The following ZNF536 variants were observed in gnomAD, a reference collection of about 807,000 sequenced individuals.
ZNF536 encodes zinc finger protein 536.
ZNF536 carries 13 observed loss-of-function variants against 84.5 expected under a neutral mutation model. The observed-to-expected ratio is 0.15, with a 90% CI of 0.10 to 0.24. The LOEUF (loss-of-function observed/expected upper bound fraction) is 0.24, where lower values mean the gene tolerates loss of function less well. ZNF536 is among the 10% of genes least tolerant of loss of function. The pLI, the probability that ZNF536 is intolerant of heterozygous loss-of-function variation, is 1.00. For missense variants in ZNF536, 1,536 were observed against 1,747.5 expected, an observed-to-expected ratio of 0.88 and a Z score of 2.16; for synonymous variants, 811 against 742.5, an observed-to-expected ratio of 1.09 and a Z score of -1.50.
chr19:30,370,790 C>G (rs2048587158), upstream of ZNF536, among the ~76,000 whole-genome samples: 1 of 152,066 alleles, frequency 6.6e-6, no homozygotes, highest in Admixed American at 6.5e-5. Flanking sequence ...TAATGCCCTC[C>G]AATTATTAAA....
At chr19:30,262,280 C>A (rs2025266506) in intron 1 of ZNF536, among the ~76,000 whole-genome samples, 1 of 152,214 alleles carries the variant, frequency 6.6e-6, no homozygotes, top group Non-Finnish European at 1.5e-5. Flanking sequence ...CTGCCCAGGA[C>A]ATAGGTCCTC....
intron 2 of ZNF536, among the ~76,000 whole-genome samples, chr19:30,313,365 C>A (rs1459263825): frequency 1.3e-5 from 2 of 152,202 alleles, no homozygotes; most frequent in African/African-American, 4.8e-5. Flanking sequence ...AGAAAATCTA[C>A]TAGTGGTGGC....
At chr19:30,640,662 C>T (rs1270948897) in intron 1 of ZNF536, among the ~76,000 whole-genome samples, 2 of 152,210 alleles carry the variant, frequency 1.3e-5, no homozygotes, top group Non-Finnish European at 2.9e-5. Flanking sequence ...GTACTGGTAG[C>T]TCCTGAATAT....
chr19:30,705,662 A>T (rs967820566), intron 1 of ZNF536, among the ~76,000 whole-genome samples: 5 of 152,210 alleles, frequency 3.3e-5, no homozygotes, highest in Admixed American at 2.6e-4. Context: ...GAAGGTCTTC[A>T]GGGTCTTTAG....
intron 2 of ZNF536, among the ~76,000 whole-genome samples, chr19:30,340,976 C>A (rs548553510): frequency 2.0e-5 from 3 of 152,304 alleles, no homozygotes; most frequent in East Asian, 1.9e-4. Context: ...AGAAAAAAAT[C>A]CCACCATTAA....
chr19:30,350,544 C>G (rs1405552530), intron 2 of ZNF536, among the ~76,000 whole-genome samples: 2 of 152,136 alleles, frequency 1.3e-5, no homozygotes, highest in African/African-American at 4.8e-5. Context: ...ATAAAAAATA[C>G]CTATAGATTT....
At chr19:30,238,770 A>G (rs1286628902) in intron 1 of ZNF536, among the ~76,000 whole-genome samples, 1 of 152,056 alleles carries the variant, frequency 6.6e-6, no homozygotes, top group Non-Finnish European at 1.5e-5. Flanking sequence ...CATTGCATCA[A>G]CACAATAGCA....
intron 1 of ZNF536, among the ~76,000 whole-genome samples, chr19:30,252,188 G>GA (rs1175368553): frequency 2.0e-5 from 3 of 152,082 alleles, no homozygotes; most frequent in African/African-American, 7.2e-5. Flanking sequence ...ACAAACTTAT[G>GA]AAAAAATGCT....
At chr19:30,549,641 A>C in intron 4 of ZNF536, 127 bp downstream of exon 4, 1 of 1,053,742 alleles carries the variant, frequency 9.5e-7, no homozygotes, top group South Asian at 2.6e-5. Context: ...AAAACCCTCA[A>C]TGCTGTATCT....
chr19:30,407,458 C>T (rs969271405), intron 1 of ZNF536, among the ~76,000 whole-genome samples: 4 of 152,142 alleles, frequency 2.6e-5, no homozygotes, highest in African/African-American at 9.7e-5. Flanking sequence ...TCCCCCAATT[C>T]AATTCTGCCA....
chr19:30,282,066 G>A (rs1410215632), intron 1 of ZNF536, among the ~76,000 whole-genome samples: 3 of 152,216 alleles, frequency 2.0e-5, no homozygotes, highest in Non-Finnish European at 4.4e-5. Flanking sequence ...TCCCCACCCT[G>A]CATCACGAGA....
At position 30,269,099 on chromosome 19, in the gene ZNF536, G is replaced by A. The variant is rs1207060040; in HGVS notation, c.-189-14973G>A. On this transcript the variant is annotated intron_variant, in intron 1 of 5. Coordinates refer to the ZNF536 transcript ENST00000585628. ...TCTTTAGTGAACAAGGTAGGGGAAG[G>A]CTCCAGGGAGCCAATTTAGAATGTG... Among the ~76,000 whole-genome samples the A allele has an allele frequency of 2.6e-5, 4 of 152,362 alleles. No individual in the cohort carries two copies. The East Asian group carries it at 7.7e-4, about 29-fold the overall frequency.
intron 1 of ZNF536, among the ~76,000 whole-genome samples, chr19:30,699,106 G>A (rs2051785117): frequency 6.6e-6 from 1 of 152,070 alleles, no homozygotes; most frequent in Non-Finnish European, 1.5e-5. Context: ...ATCAATATGT[G>A]GGGGTTTTTT....
chr19:30,584,602 T>A (rs1406453009), intron 1 of ZNF536, among the ~76,000 whole-genome samples: 1 of 152,202 alleles, frequency 6.6e-6, no homozygotes, highest in Non-Finnish European at 1.5e-5. Flanking sequence ...TCTCTGCCAA[T>A]CCATGTCCAG....
chr19:30,552,474 C>A (rs1025197061), intron 4 of ZNF536, among the ~76,000 whole-genome samples: 3 of 152,200 alleles, frequency 2.0e-5, no homozygotes, highest in African/African-American at 7.2e-5. Flanking sequence ...TCAGAAATAC[C>A]TAGTTCAAAT....
chr19:30,260,169 G>A lies in ZNF536; in HGVS notation c.-189-23903G>A, dbSNP rs55714276. Among the ~76,000 whole-genome samples, 707 of 152,270 alleles carry A rather than the reference G, an allele frequency of 4.6e-3. 4 individuals are homozygous for A. Among genetic ancestry groups the A allele is most frequent in the African/African-American group, 0.015 (621 of 41,560 alleles). On this transcript the variant is annotated intron_variant, in intron 1 of 5. Transcript: ENST00000585628. ...TCTTGAAAAATGTAGAGGTGACTCC[G>A]ATGTCTAAAATGTGTTTATTTTAGA... is the stretch of plus-strand genomic sequence containing the variant.
chr19:30,427,089 G>A (rs2051248351), intron 1 of ZNF536, among the ~76,000 whole-genome samples: 1 of 152,184 alleles, frequency 6.6e-6, no homozygotes, highest in South Asian at 2.1e-4. Context: ...AACTTGCTGT[G>A]GAACCATAGG....
intron 1 of ZNF536, among the ~76,000 whole-genome samples, chr19:30,270,114 C>T (rs1346244150): frequency 6.6e-6 from 1 of 152,218 alleles, no homozygotes; most frequent in African/African-American, 2.4e-5. Flanking sequence ...GCCACAACTG[C>T]TGGTCTGTCG....
chr19:30,689,230 C>A (rs531827148), intron 1 of ZNF536, among the ~76,000 whole-genome samples: 3 of 152,206 alleles, frequency 2.0e-5, no homozygotes, highest in Non-Finnish European at 2.9e-5. Context: ...CCTTCTTGAA[C>A]CTGTCTGCCT....
Sources: allele counts gnomAD v4.1 joint callset (sites outside exome capture counted in the v4.1 genomes callset), GRCh38; gene constraint gnomAD v4.1.1; transcripts MANE v1.5; gene names NCBI Gene and HGNC (gene_info 2026-07-23, HGNC 2026-07-21).